SPIRE1: variants seen among roughly 807,000 people sequenced by gnomAD.
SPIRE1 encodes the protein spire type actin nucleation factor 1, also known as protein spire homolog 1.
Under a neutral mutation model 94.1 loss-of-function variants are expected in SPIRE1, and 40 were observed. That is an observed-to-expected ratio of 0.43 (90% CI 0.33 to 0.55). SPIRE1 has a LOEUF of 0.55. Ranked by LOEUF, SPIRE1 falls within the 20% of genes least tolerant of loss-of-function variation. SPIRE1 has a pLI of 0.06. For missense variants in SPIRE1, 838 were observed against 975.2 expected, an observed-to-expected ratio of 0.86 and a Z score of 1.87; for synonymous variants, 376 against 371.7, an observed-to-expected ratio of 1.01 and a Z score of -0.13.
chr18:12,468,721 T>G (rs2032223456), intron 10 of SPIRE1, among the ~76,000 whole-genome samples: 1 of 152,146 alleles, frequency 6.6e-6, no homozygotes, highest in Non-Finnish European at 1.5e-5. Flanking sequence ...TTGGGTGGAA[T>G]ACTCTTTATA....
At chr18:12,494,878 T>A in intron 7 of SPIRE1, among the ~76,000 whole-genome samples, 2 of 114,306 alleles carry the variant, frequency 1.7e-5, no homozygotes, top group South Asian at 2.9e-4. Flanking sequence ...AACAAACCCA[T>A]CTCTACTGAA....
Position 12,463,379 on chromosome 18 carries a change from G to C in SPIRE1, c.1610C>G (p.Pro537Arg), listed in dbSNP as rs565777271. The change falls in exon 12 of 17, where the codon CCG (proline) becomes CGG (arginine). Residue 537 changes from proline to arginine, a missense_variant. Pro to Arg is a moderately radical substitution (Grantham distance 103). Transcript: ENST00000409402. ...ETPTNVRQFL[P>R]PSRQSSRSLE... ...AGAGCGGGAACTCTGCCTGGAAGGC[G>C]GCAGGAACTGCCTCACGTTAGTAGG... The C allele has an allele frequency of 7.4e-6, 12 of 1,613,504 alleles. No homozygotes were observed. Among genetic ancestry groups the C allele is most frequent in the Middle Eastern group, 3.3e-4 (2 of 6,034 alleles).
chr18:12,455,628 C>G (rs542564048), intron 12 of SPIRE1, among the ~76,000 whole-genome samples: 1 of 152,220 alleles, frequency 6.6e-6, no homozygotes, highest in African/African-American at 2.4e-5. Flanking sequence ...CCATCCGCTC[C>G]CCATCCGGCC....
chr18:12,587,261 A>G (rs2036413337), intron 2 of SPIRE1, among the ~76,000 whole-genome samples: 1 of 152,186 alleles, frequency 6.6e-6, no homozygotes, highest in Non-Finnish European at 1.5e-5. Flanking sequence ...AAGTGAAAAG[A>G]GTACTGGATT....
At chr18:12,587,984 T>C (rs937797867) in intron 2 of SPIRE1, among the ~76,000 whole-genome samples, 2 of 152,098 alleles carry the variant, frequency 1.3e-5, no homozygotes, top group African/African-American at 4.8e-5. Context: ...TCCCCATTTT[T>C]CTCCAACCCT....
At chr18:12,557,839 G>C (rs1429970923) in intron 2 of SPIRE1, among the ~76,000 whole-genome samples, 1 of 151,984 alleles carries the variant, frequency 6.6e-6, no homozygotes, top group East Asian at 1.9e-4. Flanking sequence ...CAATGGAACA[G>C]AATAGAGCCC....
At chr18:12,451,385 G>A (rs1385340096) in intron 16 of SPIRE1, among the ~76,000 whole-genome samples, 1 of 152,158 alleles carries the variant, frequency 6.6e-6, no homozygotes, top group Non-Finnish European at 1.5e-5. Flanking sequence ...AATATTTCCA[G>A]GAATGTCTGA....
chr18:12,604,472 A>C (rs2036918219), intron 2 of SPIRE1, among the ~76,000 whole-genome samples: 2 of 152,132 alleles, frequency 1.3e-5, no homozygotes, highest in South Asian at 4.1e-4. Context: ...TTTCCAGAGG[A>C]AAGTTCTGTA....
chr18:12,626,886 ATT>A (rs1194431610), intron 2 of SPIRE1, among the ~76,000 whole-genome samples: 18,053 of 111,880 alleles, frequency 0.16, 1,498 homozygotes, highest in Admixed American at 0.27. Flanking sequence ...ATATATATAT[ATT>A]TTTTTTTTTT....
At chr18:12,634,258 TA>T (rs71174115) in intron 2 of SPIRE1, among the ~76,000 whole-genome samples, 1,658 of 140,980 alleles carry the variant, frequency 0.012, 30 homozygotes, top group African/African-American at 0.039. Context: ...AAAATAAAAA[TA>T]AAAAAAAAAA....
chr18:12,593,904 C>A lies in SPIRE1; in HGVS notation c.372+41158G>T, dbSNP rs185474081. ...GAGGCGGAGCTTGCGGTTGAGATTG[C>A]GCACCACTGCACTCCAGCCTGGGCA... On this transcript the variant is annotated intron_variant, in intron 2 of 16. Coordinates refer to ENST00000409402, the MANE Select transcript of SPIRE1 (RefSeq NM_001128626.2). 4.4e-4 allele frequency among the ~76,000 whole-genome samples: 66 copies of A among 151,486 alleles called. No individual in the cohort carries two copies. In the East Asian group the frequency reaches 0.01, roughly 24 times the overall value.
chr18:12,512,443 C>T lies in SPIRE1; in HGVS notation c.807+11G>A. ...ACAGTAAACAGATCAGAAAGCATTT[C>T]CAGCTCTTACCCAGTCAGCGTTTTT... On this transcript the variant is annotated intron_variant, in intron 5 of 16. Coordinates refer to ENST00000409402, the MANE Select transcript of SPIRE1 (RefSeq NM_001128626.2). 6.3e-7 allele frequency: 1 copy of T among 1,596,548 alleles called. No homozygotes were observed. Among genetic ancestry groups the T allele is most frequent in the Non-Finnish European group, 8.6e-7 (1 of 1,165,928 alleles).
intron 14 of SPIRE1, 111 bp from the exon 15 acceptor site, chr18:12,452,623 C>G: frequency 9.6e-7 from 1 of 1,036,532 alleles, no homozygotes; most frequent in South Asian, 1.3e-5. Context: ...CTGCATAACT[C>G]TCCCTTCTTC....
At chr18:12,610,371 T>G (rs942127007) in intron 2 of SPIRE1, among the ~76,000 whole-genome samples, 1 of 152,134 alleles carries the variant, frequency 6.6e-6, no homozygotes, top group Non-Finnish European at 1.5e-5. Context: ...TTGACTCCAG[T>G]AATCTTTCAA....
chr18:12,454,638 A>T (rs1184002413), intron 12 of SPIRE1, 155 bp from the exon 13 acceptor site: 3 of 648,326 alleles, frequency 4.6e-6, no homozygotes, highest in Non-Finnish European at 8.2e-6. Context: ...TCTGGGGACC[A>T]CATCATTTCC....
At chr18:12,648,821 T>C (rs1490485306) in intron 1 of SPIRE1, among the ~76,000 whole-genome samples, 17 of 131,340 alleles carry the variant, frequency 1.3e-4, no homozygotes, top group Admixed American at 9.5e-5. Context: ...ACCCAGGAGG[T>C]AGAGGTTATG....
intron 4 of SPIRE1, 125 bp from the exon 5 acceptor site, chr18:12,512,656 T>C (rs1050852258): frequency 3.1e-6 from 2 of 641,326 alleles, no homozygotes; most frequent in Non-Finnish European, 2.7e-6. Context: ...ACAGAATCTA[T>C]TGCTCCGTAA....
intron 2 of SPIRE1, among the ~76,000 whole-genome samples, chr18:12,581,761 G>A (rs890322226): frequency 6.6e-6 from 1 of 152,086 alleles, no homozygotes; most frequent in Non-Finnish European, 1.5e-5. Flanking sequence ...CTACTCGAGA[G>A]GCTGAGGCAT....
intron 8 of SPIRE1, among the ~76,000 whole-genome samples, chr18:12,490,352 C>T (rs1052481918): frequency 8.5e-5 from 13 of 152,126 alleles, no homozygotes; most frequent in African/African-American, 2.9e-4. Flanking sequence ...CCAACAAAGG[C>T]AGGTTCAGGA....
Sources: gnomAD v4.1 joint callset for allele counts (sites outside exome capture counted in the v4.1 genomes callset) on GRCh38, gnomAD v4.1.1 for gene constraint, MANE v1.5 for transcripts, NCBI Gene and HGNC (gene_info 2026-07-23, HGNC 2026-07-21) for gene names.